Variants in SLC24A2 observed in about 807,000 individuals in gnomAD.
SLC24A2 encodes solute carrier family 24 member 2, also known as sodium/potassium/calcium exchanger 2.
In SLC24A2, 36 loss-of-function variants were observed where a neutral mutation model predicts 62.0. The observed-to-expected ratio is 0.58, with a 90% CI of 0.44 to 0.77. The LOEUF is 0.77. SLC24A2 is among the 30% of genes least tolerant of loss of function. SLC24A2 has a pLI of 0.00. For synonymous variants in SLC24A2, 358 were observed against 294.0 expected, an observed-to-expected ratio of 1.22 and a Z score of -2.23; for missense variants, 846 against 817.9, an observed-to-expected ratio of 1.03 and a Z score of -0.42.
the SLC24A2 span, among the ~76,000 whole-genome samples, chr9:20,105,698 AGT>A: frequency 5.5e-4 from 83 of 152,086 alleles, no homozygotes; most frequent in African/African-American, 2.0e-3. Context: ...CATTCAAAGC[AGT>A]GTGTAGAGGG....
the SLC24A2 span, among the ~76,000 whole-genome samples, chr9:19,842,114 T>C: frequency 6.6e-6 from 1 of 152,176 alleles, no homozygotes; most frequent in African/African-American, 2.4e-5. Context: ...GTGGCAGAGA[T>C]TCATCTTCCT....
At chr9:20,006,795 A>T in the SLC24A2 span, among the ~76,000 whole-genome samples, 460 of 152,258 alleles carry the variant, frequency 3.0e-3, 1 homozygote, top group African/African-American at 0.01. Context: ...ATGCCTTGGT[A>T]CTACAAAGAT....
At chr9:19,970,651 T>G in the SLC24A2 span, among the ~76,000 whole-genome samples, 4 of 152,224 alleles carry the variant, frequency 2.6e-5, no homozygotes, top group African/African-American at 9.6e-5. Flanking sequence ...GGATGAAGAC[T>G]GGTCCCCATA....
intron 2 of SLC24A2, among the ~76,000 whole-genome samples, chr9:19,727,681 C>G (rs978469970): frequency 1.3e-5 from 2 of 152,152 alleles, no homozygotes; most frequent in African/African-American, 4.8e-5. Context: ...TGCTATAAAT[C>G]CTTTTCCAGA....
At chr9:20,234,720 T>A in the SLC24A2 span, among the ~76,000 whole-genome samples, 1 of 152,228 alleles carries the variant, frequency 6.6e-6, no homozygotes, top group Non-Finnish European at 1.5e-5. Context: ...CCTTCTTCTC[T>A]CAACTCGTCA....
At chr9:19,610,400 G>T (rs1199231460) in intron 4 of SLC24A2, among the ~76,000 whole-genome samples, 1 of 152,124 alleles carries the variant, frequency 6.6e-6, no homozygotes, top group Non-Finnish European at 1.5e-5. Context: ...GCTTCTTGTT[G>T]CGATGATAAT....
intron 2 of SLC24A2, among the ~76,000 whole-genome samples, chr9:19,772,885 G>C (rs1822732033): frequency 6.6e-6 from 1 of 152,136 alleles, no homozygotes; most frequent in Admixed American, 6.5e-5. Context: ...ACAAACACTT[G>C]TAAGTAAATT....
the SLC24A2 span, among the ~76,000 whole-genome samples, chr9:19,895,072 A>G: frequency 2.6e-5 from 4 of 152,224 alleles, no homozygotes; most frequent in Admixed American, 6.5e-5. Context: ...TTAACTCTAT[A>G]AAGAAGTAAA....
the SLC24A2 span, among the ~76,000 whole-genome samples, chr9:19,844,926 A>C: frequency 6.9e-6 from 1 of 145,968 alleles, no homozygotes; most frequent in Non-Finnish European, 1.5e-5. Flanking sequence ...TAGCCTTAGT[A>C]TAGTTTGAAG....
chr9:20,214,760 G>A, the SLC24A2 span, among the ~76,000 whole-genome samples: 15 of 152,096 alleles, frequency 9.9e-5, no homozygotes, highest in Non-Finnish European at 1.6e-4. Flanking sequence ...ACAAGTACAG[G>A]GACTGTGTTC....
the SLC24A2 span, among the ~76,000 whole-genome samples, chr9:20,221,016 C>T: frequency 6.6e-6 from 1 of 152,098 alleles, no homozygotes; most frequent in Admixed American, 6.6e-5. Context: ...ACAGAGTTTA[C>T]AAAATAGGCA....
intron 2 of SLC24A2, among the ~76,000 whole-genome samples, chr9:19,647,008 A>G (rs1244147059): frequency 6.6e-6 from 1 of 151,018 alleles, no homozygotes; most frequent in Non-Finnish European, 1.5e-5. Context: ...TCATTCCAAG[A>G]TTTTCCCAGA....
the SLC24A2 span, among the ~76,000 whole-genome samples, chr9:20,243,005 C>G: frequency 0.015 from 2,330 of 152,210 alleles, 26 homozygotes; most frequent in Non-Finnish European, 0.022. Flanking sequence ...GGTGCCAAGA[C>G]CTTTCTTCAA....
chr9:19,620,495 A>G (rs1217331009), intron 3 of SLC24A2, among the ~76,000 whole-genome samples: 1 of 152,200 alleles, frequency 6.6e-6, no homozygotes, highest in Non-Finnish European at 1.5e-5. Flanking sequence ...TGCACAAACT[A>G]CTAGTTGTGA....
At chr9:19,901,565 G>A in the SLC24A2 span, among the ~76,000 whole-genome samples, 2 of 152,100 alleles carry the variant, frequency 1.3e-5, no homozygotes, top group Admixed American at 6.5e-5. Flanking sequence ...GTTACAAGAG[G>A]AACTATAAAT....
At chr9:19,972,911 G>A in the SLC24A2 span, among the ~76,000 whole-genome samples, 1 of 152,102 alleles carries the variant, frequency 6.6e-6, no homozygotes, top group Non-Finnish European at 1.5e-5. Context: ...TGTCCAACTT[G>A]ACTCTACCTG....
the SLC24A2 span, among the ~76,000 whole-genome samples, chr9:20,151,692 G>A: frequency 8.6e-5 from 13 of 151,966 alleles, no homozygotes; most frequent in African/African-American, 2.9e-4. Flanking sequence ...GGAGGCAAGG[G>A]TGGGGAATGT....
chr9:19,550,484 T>C (rs894677886), intron 7 of SLC24A2, among the ~76,000 whole-genome samples: 8 of 152,314 alleles, frequency 5.3e-5, no homozygotes, highest in Admixed American at 2.6e-4. Context: ...GAATTTTCTT[T>C]TATCTCCTTG....
chr9:19,902,090 T>C, the SLC24A2 span, among the ~76,000 whole-genome samples: 1 of 152,160 alleles, frequency 6.6e-6, no homozygotes, highest in Non-Finnish European at 1.5e-5. Flanking sequence ...CTGTTTATAA[T>C]TTGGTATTTT....
Sources: gnomAD v4.1 joint callset for allele counts (sites outside exome capture counted in the v4.1 genomes callset) on GRCh38, gnomAD v4.1.1 for gene constraint, MANE v1.5 for transcripts, NCBI Gene and HGNC (gene_info 2026-07-23, HGNC 2026-07-21) for gene names.